The following LOC102723971 variants were observed in gnomAD, a reference collection of about 807,000 sequenced individuals.
chr9:135,616,048 C>T, the LOC102723971 span, among the ~76,000 whole-genome samples: 45 of 152,334 alleles, frequency 3.0e-4, no homozygotes, highest in African/African-American at 1.0e-3. Flanking sequence ...ACACACCGCA[C>T]GGTGGCCTGC....
chr9:135,614,572 G>A, the LOC102723971 span, among the ~76,000 whole-genome samples: 2 of 152,132 alleles, frequency 1.3e-5, no homozygotes, highest in African/African-American at 4.8e-5. Context: ...GATTAACCTC[G>A]GGGCCTTTCC....
chr9:135,614,770 G>A, the LOC102723971 span, among the ~76,000 whole-genome samples: 1 of 152,110 alleles, frequency 6.6e-6, no homozygotes, highest in South Asian at 2.1e-4. Flanking sequence ...ATACAGGGAG[G>A]GTCCCAGCTC....
chr9:135,615,403 C>G, the LOC102723971 span: 1 of 398,840 alleles, frequency 2.5e-6, no homozygotes, highest in African/African-American at 2.1e-5. Context: ...CAGCCAACCA[C>G]GCAGACCTGG....
chr9:135,614,523 G>T, the LOC102723971 span, among the ~76,000 whole-genome samples: 2 of 152,076 alleles, frequency 1.3e-5, no homozygotes, highest in African/African-American at 2.4e-5. Context: ...AGGCGGGAGC[G>T]GGCTCTGTCC....
chr9:135,615,995 C>T, the LOC102723971 span, among the ~76,000 whole-genome samples: 2 of 152,218 alleles, frequency 1.3e-5, no homozygotes, highest in East Asian at 3.9e-4. Context: ...CCCACAGCTC[C>T]GAAGGCAGTT....
At chr9:135,617,272 T>C in the LOC102723971 span, among the ~76,000 whole-genome samples, 98,890 of 152,132 alleles carry the variant, frequency 0.65, 32,517 homozygotes, top group Admixed American at 0.76. Context: ...AAGGCGGGCA[T>C]TGCTCTGGGC....
chr9:135,614,230 C>A, the LOC102723971 span: 1 of 398,600 alleles, frequency 2.5e-6, no homozygotes, highest in Non-Finnish European at 4.4e-6. Flanking sequence ...GCTCCCCCTT[C>A]CCCGGAGCCA....
chr9:135,614,317 G>C, the LOC102723971 span: 3 of 398,628 alleles, frequency 7.5e-6, no homozygotes. Flanking sequence ...CTCTGGAAGA[G>C]GTACCGGTAC....
the LOC102723971 span, chr9:135,618,831 G>A: frequency 2.5e-6 from 1 of 398,310 alleles, no homozygotes; most frequent in Non-Finnish European, 4.4e-6. Context: ...GCCAGTGAGG[G>A]ATGGCTGTTT....
chr9:135,617,540 G>C, the LOC102723971 span, among the ~76,000 whole-genome samples: 2 of 152,156 alleles, frequency 1.3e-5, no homozygotes, highest in Admixed American at 6.5e-5. Context: ...AGGATGGGGT[G>C]GGGGAGCGGG....
chr9:135,618,556 G>C, the LOC102723971 span, among the ~76,000 whole-genome samples: 1 of 152,060 alleles, frequency 6.6e-6, no homozygotes, highest in Non-Finnish European at 1.5e-5. Context: ...GTGGGGGCTA[G>C]AGCAAGGTTT....
chr9:135,616,519 G>A, the LOC102723971 span: 13 of 398,134 alleles, frequency 3.3e-5, no homozygotes, highest in Non-Finnish European at 4.9e-5. Context: ...GGGCCACCAC[G>A]TCCTGGGAAA....
At chr9:135,616,041 C>G in the LOC102723971 span, among the ~76,000 whole-genome samples, 1 of 152,228 alleles carries the variant, frequency 6.6e-6, no homozygotes, top group African/African-American at 2.4e-5. Context: ...GTCGTAGACA[C>G]ACCGCACGGT....
the LOC102723971 span, chr9:135,614,266 G>T: frequency 2.5e-6 from 1 of 398,706 alleles, no homozygotes; most frequent in African/African-American, 2.1e-5. Flanking sequence ...GCCCGCTCCT[G>T]CTGCTGGCCC....
chr9:135,615,620 G>A, the LOC102723971 span: 4 of 397,552 alleles, frequency 1.0e-5, no homozygotes, highest in South Asian at 1.4e-4. Flanking sequence ...CCAAGACCCC[G>A]CTCCAAGAGG....
At chr9:135,616,825 T>G in the LOC102723971 span, 1 of 398,232 alleles carries the variant, frequency 2.5e-6, no homozygotes, top group East Asian at 3.6e-5. Flanking sequence ...GGCATTGCAA[T>G]GTCCACAGGG....
chr9:135,614,312 G>A, the LOC102723971 span: 1 of 398,724 alleles, frequency 2.5e-6, no homozygotes, highest in Non-Finnish European at 4.4e-6. Flanking sequence ...GAAGGCTCTG[G>A]AAGAGGTACC....
the LOC102723971 span, chr9:135,617,092 A>T: frequency 4.5e-4 from 179 of 397,540 alleles, no homozygotes; most frequent in Non-Finnish European, 7.1e-4. Context: ...GCTGCTGGAC[A>T]CTCCCGGCTC....
the LOC102723971 span, chr9:135,616,836 C>T: frequency 5.0e-6 from 2 of 398,466 alleles, no homozygotes; most frequent in Non-Finnish European, 8.8e-6. Context: ...GTCCACAGGG[C>T]ATGGGGGGGT....
Sources: allele counts gnomAD v4.1 joint callset (sites outside exome capture counted in the v4.1 genomes callset), GRCh38; gene constraint gnomAD v4.1.1; transcripts MANE v1.5.